The following SLC22A4 variants were observed in gnomAD, a reference collection of about 807,000 sequenced individuals.
SLC22A4 encodes the protein solute carrier family 22 member 4.
A neutral mutation model predicts 56.6 loss-of-function variants in SLC22A4; 39 were observed. The ratio of observed to expected loss-of-function variants is 0.69; its 90% CI spans 0.53 to 0.90. The LOEUF is 0.90. SLC22A4 is among the 40% of genes least tolerant of loss of function. The pLI, the probability that SLC22A4 is intolerant of heterozygous loss-of-function variation, is 0.00. For missense variants in SLC22A4, 594 were observed against 696.5 expected (o/e 0.85, Z 1.66); for synonymous variants, 241 against 281.4 (o/e 0.86, Z 1.44).
chr5:132,317,907 C>T (rs1750408746), intron 3 of SLC22A4, among the ~76,000 whole-genome samples: 1 of 152,158 alleles, frequency 6.6e-6, no homozygotes, highest in Non-Finnish European at 1.5e-5. Flanking sequence ...TGCTGGCATA[C>T]CTTATTTGCA....
At chr5:132,314,944 G>A (rs1750295088) in intron 3 of SLC22A4, among the ~76,000 whole-genome samples, 1 of 152,194 alleles carries the variant, frequency 6.6e-6, no homozygotes, top group Non-Finnish European at 1.5e-5. Context: ...TCTTCAGCAG[G>A]CCCCAGCGGG....
chr5:132,335,635 C>A (rs1311488423), intron 7 of SLC22A4, among the ~76,000 whole-genome samples, 183 bp from the exon 8 acceptor site: 2 of 152,190 alleles, frequency 1.3e-5, no homozygotes, highest in Non-Finnish European at 1.5e-5. Flanking sequence ...AGCCACCCCT[C>A]ACATGAGCTC....
intron 1 of SLC22A4, among the ~76,000 whole-genome samples, chr5:132,308,945 G>A (rs565723358): frequency 1.3e-5 from 2 of 152,224 alleles, no homozygotes; most frequent in African/African-American, 4.8e-5. Flanking sequence ...ATGTGTGTGT[G>A]CATGTATGTA....
At chr5:132,331,445 G>T (rs894903962) in intron 5 of SLC22A4, among the ~76,000 whole-genome samples, 1 of 152,188 alleles carries the variant, frequency 6.6e-6, no homozygotes, top group African/African-American at 2.4e-5. Flanking sequence ...AGATCAGTGT[G>T]GTAAATGACA....
chr5:132,335,771 G>T, intron 7 of SLC22A4, 47 bp from the exon 8 acceptor site: 2 of 1,459,502 alleles, frequency 1.4e-6, no homozygotes, highest in Non-Finnish European at 1.9e-6. Context: ...ATATAAGAAA[G>T]TATCACTTCT....
At chr5:132,295,458 G>A (rs1021284194) in intron 1 of SLC22A4, 1 of 374,596 alleles carries the variant, frequency 2.7e-6, no homozygotes, top group Non-Finnish European at 5.2e-6. Context: ...GCATCAGGAG[G>A]TGTACTGCCG....
intron 4 of SLC22A4, among the ~76,000 whole-genome samples, chr5:132,325,334 C>T (rs1447351422): frequency 1.3e-5 from 2 of 152,146 alleles, no homozygotes; most frequent in East Asian, 1.9e-4. Context: ...ATTTTCATTT[C>T]TTCAATCACA....
At chr5:132,312,406 C>G in intron 2 of SLC22A4, 142 bp downstream of exon 2, 2 of 689,942 alleles carry the variant, frequency 2.9e-6, no homozygotes, top group East Asian at 5.3e-5. Flanking sequence ...GGAGGAGCCC[C>G]GATGTCTCCT....
At chr5:132,316,886 C>T (rs995667724) in intron 3 of SLC22A4, among the ~76,000 whole-genome samples, 2 of 151,572 alleles carry the variant, frequency 1.3e-5, no homozygotes, top group African/African-American at 4.9e-5. Flanking sequence ...TAACAAAATC[C>T]TATAGGCTGG....
intron 1 of SLC22A4, among the ~76,000 whole-genome samples, chr5:132,304,547 G>A (rs1000104835): frequency 2.0e-5 from 3 of 152,128 alleles, no homozygotes; most frequent in Admixed American, 6.5e-5. Context: ...AACCCAGGAG[G>A]TGGAGGTTGC....
chr5:132,302,068 T>G (rs1749919124), intron 1 of SLC22A4, among the ~76,000 whole-genome samples: 1 of 152,244 alleles, frequency 6.6e-6, no homozygotes, highest in African/African-American at 2.4e-5. Context: ...CTCAGGGGCT[T>G]CCCCTTGCTC....
At chr5:132,335,679 G>T (rs1750999686) in intron 7 of SLC22A4, 139 bp from the exon 8 acceptor site, 2 of 756,356 alleles carry the variant, frequency 2.6e-6, no homozygotes, top group South Asian at 3.1e-5. Context: ...TAGGACATTT[G>T]AAGAGAAAAT....
intron 3 of SLC22A4, among the ~76,000 whole-genome samples, chr5:132,314,583 A>G (rs919337727): frequency 5.9e-5 from 9 of 152,222 alleles, no homozygotes; most frequent in Admixed American, 2.6e-4. Context: ...TAGGTGGCTC[A>G]GTACCATCCC....
intron 1 of SLC22A4, among the ~76,000 whole-genome samples, chr5:132,309,382 T>C (rs958748941): frequency 1.4e-4 from 21 of 152,232 alleles, no homozygotes; most frequent in African/African-American, 5.1e-4. Context: ...CAAAGGCAGA[T>C]GGCACCCCTC....
At chr5:132,336,118 C>A (rs1024921963) in intron 8 of SLC22A4, 118 bp downstream of exon 8, 2 of 1,016,246 alleles carry the variant, frequency 2.0e-6, no homozygotes, top group Non-Finnish European at 3.0e-6. Flanking sequence ...TACAAGTTCA[C>A]CTCTCCTCTC....
At chr5:132,295,209 A>T in intron 1 of SLC22A4, 200 bp downstream of exon 1, 1 of 730,372 alleles carries the variant, frequency 1.4e-6, no homozygotes. Context: ...TTTCTGTCCA[A>T]TAAGGAGGTG....
Position 132,328,834 on chromosome 5 carries a change from TATATAC to T in SLC22A4, c.951+1433_951+1438del, listed in dbSNP as rs1184538414. Among the ~76,000 whole-genome samples the T allele has an allele frequency of 8.1e-3, 676 of 83,202 alleles. 1 individual carries two copies. Among genetic ancestry groups the T allele is most frequent in the Non-Finnish European group, 0.015 (505 of 33,430 alleles). 54.6% of individuals were successfully genotyped at this position (83,202 alleles called of 152,430 possible). Reference sequence around the variant, plus strand: ...TTCTGGCAGTGCCTTTATATATATATATATACACACACACACACACACACACACACA... The same window carrying T: ...TTCTGGCAGTGCCTTTATATATATATACACACACACACACACACACACACA... On this transcript the variant is annotated intron_variant, in intron 5 of 9. Coordinates refer to ENST00000200652, the MANE Select transcript of SLC22A4 (RefSeq NM_003059.3).
chr5:132,322,266 G>A lies in SLC22A4; in HGVS notation c.735G>A (p.Leu245=), dbSNP rs146340469. The change falls in exon 4 of 10, where the codon CTG becomes CTA. Residue 245 remains leucine, a synonymous_variant. Transcript: ENST00000200652. ...VCTFFAVGYM[L]LPLFAYFIRD... ...CATTTTTTGCAGTTGGCTATATGCT[G>A]CTGCCACTGTTTGCTTACTTCATCA... The A allele has an allele frequency of 7.4e-5, 119 of 1,613,962 alleles. No homozygotes were observed. In the Middle Eastern group the frequency reaches 2.2e-3, roughly 29 times the overall value.
chr5:132,324,405 C>G (rs1174979327), intron 4 of SLC22A4: 3 of 425,024 alleles, frequency 7.1e-6, no homozygotes, highest in Non-Finnish European at 1.5e-5. Flanking sequence ...GAAGGTCCAT[C>G]CCACAGGGAG....
Sources: gnomAD v4.1 joint callset for allele counts (sites outside exome capture counted in the v4.1 genomes callset) on GRCh38, gnomAD v4.1.1 for gene constraint, MANE v1.5 for transcripts, NCBI Gene and HGNC (gene_info 2026-07-23, HGNC 2026-07-21) for gene names.